CDH13: variants seen among roughly 807,000 people sequenced by gnomAD.
CDH13 encodes cadherin-13.
Under a neutral mutation model 63.8 loss-of-function variants are expected in CDH13, and 24 were observed. The ratio of observed to expected loss-of-function variants is 0.38; its 90% confidence interval spans 0.27 to 0.53. The LOEUF (loss-of-function observed/expected upper bound fraction) is 0.53. Ranked by LOEUF, CDH13 falls within the 20% of genes least tolerant of loss-of-function variation. CDH13 has a pLI of 0.85. For synonymous variants in CDH13, 503 were observed against 355.3 expected (o/e 1.42, Z -4.67); for missense variants, 1,049 against 903.1 (o/e 1.16, Z -2.07).
rs1380206840 is a variant in CDH13 at position 82,754,871 on chromosome 16, A to C, written c.46-103491A>C. On this transcript the variant is annotated intron_variant, in intron 1 of 13. Transcript: ENST00000567109. Reference sequence around the variant, plus strand: ...CAGTCAGTGGGTACTTCATGAGCCAAGAGTGCATAGAAAGGTATTTTTGGT... The same window carrying C: ...CAGTCAGTGGGTACTTCATGAGCCACGAGTGCATAGAAAGGTATTTTTGGT... Among the ~76,000 whole-genome samples, 3 of 152,218 alleles carry C rather than the reference A, an allele frequency of 2.0e-5. No homozygotes were observed. The East Asian group carries it at 5.8e-4, about 29-fold the overall frequency.
intron 10 of CDH13, among the ~76,000 whole-genome samples, chr16:83,731,354 A>G (rs1453498080): frequency 2.0e-5 from 3 of 152,134 alleles, no homozygotes; most frequent in Admixed American, 6.5e-5. Context: ...AATAATAGCT[A>G]TTCTGACTGG....
chr16:82,917,972 T>C (rs2042043546), intron 2 of CDH13, among the ~76,000 whole-genome samples: 1 of 147,816 alleles, frequency 6.8e-6, no homozygotes, highest in Non-Finnish European at 1.5e-5. Flanking sequence ...AGGAGCAGCA[T>C]CCATGACCCA....
At chr16:82,679,916 C>T (rs956438071) in intron 1 of CDH13, among the ~76,000 whole-genome samples, 4 of 152,200 alleles carry the variant, frequency 2.6e-5, no homozygotes, top group Admixed American at 6.5e-5. Context: ...TTAAACATCA[C>T]GAGTATGAGC....
intron 2 of CDH13, among the ~76,000 whole-genome samples, chr16:82,873,832 T>A (rs2040420010): frequency 2.0e-5 from 3 of 152,208 alleles, no homozygotes; most frequent in Non-Finnish European, 4.4e-5. Context: ...GCTTGGCTCC[T>A]CTGAAAGAGA....
intron 7 of CDH13, among the ~76,000 whole-genome samples, chr16:83,511,469 A>T (rs919567008): frequency 7.3e-6 from 1 of 136,608 alleles, no homozygotes; most frequent in Non-Finnish European, 1.7e-5. Context: ...CTCAAAAAAA[A>T]AAAAAAGTTT....
At chr16:83,238,118 A>G (rs1228138379) in intron 5 of CDH13, among the ~76,000 whole-genome samples, 1 of 151,488 alleles carries the variant, frequency 6.6e-6, no homozygotes, top group South Asian at 2.1e-4. Context: ...CCTTTTTCCT[A>G]CAAGTTCGTC....
intron 5 of CDH13, among the ~76,000 whole-genome samples, chr16:83,320,305 C>T (rs530985295): frequency 1.2e-4 from 18 of 152,162 alleles, no homozygotes; most frequent in Non-Finnish European, 1.5e-4. Context: ...CTCGGCCTCC[C>T]AAAGTGCTGG....
chr16:82,895,368 A>T (rs1179508408), intron 2 of CDH13, among the ~76,000 whole-genome samples: 1 of 152,012 alleles, frequency 6.6e-6, no homozygotes, highest in Non-Finnish European at 1.5e-5. Flanking sequence ...TCAAACACAA[A>T]TTTGCCACCA....
At chr16:83,312,067 A>C (rs1862833) in intron 5 of CDH13, among the ~76,000 whole-genome samples, 32 of 26,050 alleles carry the variant, frequency 1.2e-3, no homozygotes, top group African/African-American at 6.0e-3. Flanking sequence ...ACTCCATCTC[A>C]AAAAAAAAAA....
intron 6 of CDH13, among the ~76,000 whole-genome samples, chr16:83,469,797 G>A (rs553545959): frequency 4.6e-5 from 7 of 152,110 alleles, no homozygotes; most frequent in Non-Finnish European, 7.4e-5. Flanking sequence ...TCTTTCCTGC[G>A]GTGGGGGATG....
At chr16:83,539,710 T>C (rs2075263764) in intron 7 of CDH13, among the ~76,000 whole-genome samples, 1 of 152,234 alleles carries the variant, frequency 6.6e-6, no homozygotes, top group African/African-American at 2.4e-5. Context: ...ACTGTAATTA[T>C]TCCCATTTCA....
At chr16:83,679,003 G>A (rs1300720102) in intron 10 of CDH13, among the ~76,000 whole-genome samples, 3 of 152,132 alleles carry the variant, frequency 2.0e-5, no homozygotes, top group Non-Finnish European at 4.4e-5. Context: ...CACTGACTCT[G>A]AGCTGCCAGA....
intron 1 of CDH13, among the ~76,000 whole-genome samples, chr16:82,645,777 A>G (rs1447006261): frequency 6.6e-6 from 1 of 152,124 alleles, no homozygotes; most frequent in Non-Finnish European, 1.5e-5. Flanking sequence ...TAAAACCAAG[A>G]CTCTTGGGTA....
chr16:83,213,394 C>T (rs7202318), intron 4 of CDH13, among the ~76,000 whole-genome samples: 2,893 of 152,166 alleles, frequency 0.019, 89 homozygotes, highest in African/African-American at 0.066. Flanking sequence ...TGATGTTTGT[C>T]CCAAGAGGCC....
intron 6 of CDH13, among the ~76,000 whole-genome samples, chr16:83,478,008 C>CA (rs2073651248): frequency 1.3e-5 from 2 of 151,874 alleles, no homozygotes; most frequent in African/African-American, 4.8e-5. Flanking sequence ...GGTGAAACCT[C>CA]ATCTCTACTA....
chr16:83,015,673 G>GTA (rs1240181770), intron 2 of CDH13, among the ~76,000 whole-genome samples: 5 of 39,996 alleles, frequency 1.3e-4, no homozygotes, highest in East Asian at 1.2e-3. Flanking sequence ...GTGTGTGTGT[G>GTA]TATGTATATA....
At chr16:83,498,364 A>C (rs919329312) in intron 7 of CDH13, among the ~76,000 whole-genome samples, 1 of 152,186 alleles carries the variant, frequency 6.6e-6, no homozygotes, top group African/African-American at 2.4e-5. Context: ...AACTGAGATT[A>C]TTCTAGAGCC....
chr16:83,215,259 TG>T (rs1283150528), intron 4 of CDH13, among the ~76,000 whole-genome samples: 2 of 151,560 alleles, frequency 1.3e-5, no homozygotes, highest in African/African-American at 4.8e-5. Flanking sequence ...CTGTAGTTTT[TG>T]TAGAGACGGA....
intron 1 of CDH13, among the ~76,000 whole-genome samples, chr16:82,848,671 C>G (rs8049625): frequency 3.5e-3 from 526 of 152,048 alleles, no homozygotes; most frequent in African/African-American, 0.012. Flanking sequence ...CCAACTGGCC[C>G]TTTACTCATC....
Sources: gnomAD v4.1 joint callset for allele counts (sites outside exome capture counted in the v4.1 genomes callset) on GRCh38, gnomAD v4.1.1 for gene constraint, MANE v1.5 for transcripts, NCBI Gene and HGNC (gene_info 2026-07-23, HGNC 2026-07-21) for gene names.